TBCK: variants seen among roughly 807,000 people sequenced by gnomAD.
The protein encoded by TBCK is TBC domain-containing protein kinase-like protein.
TBCK carries 99 observed loss-of-function variants against 113.4 expected under a neutral mutation model. The observed-to-expected ratio is 0.87, with a 90% CI of 0.74 to 1.03. The LOEUF is 1.03. Ranked by LOEUF, TBCK falls within the 50% of genes least tolerant of loss-of-function variation. The pLI is 0.00. For synonymous variants in TBCK, 369 were observed against 370.8 expected (o/e 1.00, Z 0.05); for missense variants, 1,045 against 1,061.3 (o/e 0.98, Z 0.21).
chr4:106,249,130 T>G, intron 7 of TBCK, 148 bp from the exon 8 acceptor site: 1 of 533,690 alleles, frequency 1.9e-6, no homozygotes, highest in Non-Finnish European at 3.2e-6. Flanking sequence ...TTAAATTTCT[T>G]TACATGTTTT....
chr4:106,043,374 T>G lies in TBCK; in HGVS notation c.*3196A>C, dbSNP rs1010267978. Reference sequence around the variant, plus strand: ...TATTTCTATACTATCAGGTACCAGATAAGTTTGGCAGTTGAAAAAAATTAC... The same window carrying G: ...TATTTCTATACTATCAGGTACCAGAGAAGTTTGGCAGTTGAAAAAAATTAC... On this transcript the variant is annotated 3_prime_UTR_variant, in exon 26 of 26. Coordinates refer to ENST00000394708, the MANE Select transcript of TBCK (RefSeq NM_001163435.3). 6.6e-6 allele frequency: 1 copy of G among 152,182 alleles called. No individual in the cohort carries two copies. The highest frequency in any genetic ancestry group is 1.5e-5 in the Non-Finnish European group (1 of 68,034). 9.4% of individuals were successfully genotyped at this position (152,182 alleles called of 1,614,324 possible). A position where few individuals can be genotyped will look rare whatever the true frequency, so the allele number is the denominator to read the frequency against.
At chr4:106,106,333 A>G (rs1742153077) in intron 24 of TBCK, among the ~76,000 whole-genome samples, 1 of 152,178 alleles carries the variant, frequency 6.6e-6, no homozygotes, top group Non-Finnish European at 1.5e-5. Context: ...CATGAGACAC[A>G]TAATTGTCAA....
chr4:106,152,695 G>A (rs938790544), intron 23 of TBCK, among the ~76,000 whole-genome samples: 2 of 152,056 alleles, frequency 1.3e-5, no homozygotes, highest in African/African-American at 4.8e-5. Context: ...ATTAAGACGT[G>A]AGGCCACTGG....
chr4:106,110,589 T>C (rs997058398), intron 24 of TBCK, among the ~76,000 whole-genome samples: 1 of 152,178 alleles, frequency 6.6e-6, no homozygotes, highest in African/African-American at 2.4e-5. Context: ...CCATAACCCA[T>C]GGTTTCTGAA....
chr4:106,169,722 T>A (rs1260878712), intron 23 of TBCK, among the ~76,000 whole-genome samples: 1 of 152,106 alleles, frequency 6.6e-6, no homozygotes, highest in Admixed American at 6.6e-5. Context: ...TATTACATCA[T>A]AATATATAAT....
chr4:106,105,007 C>T (rs1054681804), intron 24 of TBCK, among the ~76,000 whole-genome samples: 23 of 152,224 alleles, frequency 1.5e-4, no homozygotes, highest in Admixed American at 1.5e-3. Context: ...CCAGAGCTAT[C>T]GAGCCAGTGC....
intron 23 of TBCK, among the ~76,000 whole-genome samples, chr4:106,143,769 C>A (rs1747421714): frequency 6.6e-6 from 1 of 152,048 alleles, no homozygotes; most frequent in African/African-American, 2.4e-5. Context: ...ACAAAATTAG[C>A]CGGGCATGGT....
chr4:106,187,033 A>C (rs1753101679), intron 22 of TBCK, among the ~76,000 whole-genome samples: 1 of 152,122 alleles, frequency 6.6e-6, no homozygotes, highest in South Asian at 2.1e-4. Context: ...ACTTTGTTGA[A>C]GATTAGATGG....
At chr4:106,172,573 A>G (rs1245992348) in intron 22 of TBCK, among the ~76,000 whole-genome samples, 1 of 152,162 alleles carries the variant, frequency 6.6e-6, no homozygotes, top group African/African-American at 2.4e-5. Flanking sequence ...CAGGCAATGG[A>G]GAAAAATATA....
chr4:106,087,660 T>A (rs1211000838), intron 25 of TBCK, among the ~76,000 whole-genome samples: 1 of 152,228 alleles, frequency 6.6e-6, no homozygotes, highest in African/African-American at 2.4e-5. Flanking sequence ...ATTGGAGGCA[T>A]CATGCTAGAT....
intron 2 of TBCK, among the ~76,000 whole-genome samples, chr4:106,296,902 A>C (rs1428820948): frequency 6.6e-6 from 1 of 152,166 alleles, no homozygotes; most frequent in Non-Finnish European, 1.5e-5. Context: ...AACAAAGAAA[A>C]GCGTATGCAA....
intron 25 of TBCK, among the ~76,000 whole-genome samples, chr4:106,085,637 C>G (rs1041176985): frequency 1.3e-5 from 2 of 151,914 alleles, no homozygotes; most frequent in African/African-American, 4.8e-5. Context: ...ACTCTCTACT[C>G]CAACAGAATA....
At chr4:106,280,299 G>A (rs746518362) in intron 3 of TBCK, among the ~76,000 whole-genome samples, 1 of 151,982 alleles carries the variant, frequency 6.6e-6, no homozygotes, top group Non-Finnish European at 1.5e-5. Context: ...TTCCTATAAA[G>A]TTATTTGAGC....
chr4:106,134,468 G>A (rs531434514), intron 23 of TBCK, among the ~76,000 whole-genome samples: 11 of 152,314 alleles, frequency 7.2e-5, no homozygotes, highest in Non-Finnish European at 1.2e-4. Flanking sequence ...TAACTGAGAA[G>A]GGACAGAGTG....
intron 14 of TBCK, 134 bp downstream of exon 14, chr4:106,236,252 TGAAA>T (rs1759443078): frequency 5.1e-6 from 3 of 583,574 alleles, no homozygotes; most frequent in Non-Finnish European, 5.0e-6. Flanking sequence ...ATTTTTAAAA[TGAAA>T]GAAAGCTAAC....
intron 25 of TBCK, among the ~76,000 whole-genome samples, chr4:106,053,070 A>G (rs549515227): frequency 4.0e-5 from 6 of 151,836 alleles, no homozygotes; most frequent in African/African-American, 1.4e-4. Context: ...GAATTAGCTC[A>G]TAACTCATAA....
intron 11 of TBCK, 21 bp from the exon 12 acceptor site, chr4:106,242,590 A>C (rs1560893298): frequency 6.5e-7 from 1 of 1,545,768 alleles, no homozygotes; most frequent in Non-Finnish European, 8.8e-7. Context: ...ATTTTTAAAA[A>C]TAATATGTAC....
chr4:106,261,273 A>C (rs548474412), intron 4 of TBCK, among the ~76,000 whole-genome samples: 1 of 152,036 alleles, frequency 6.6e-6, no homozygotes, highest in Admixed American at 6.6e-5. Flanking sequence ...ACAATTTTCT[A>C]TTTTTGTGTT....
chr4:106,088,920 G>A (rs972707896), intron 25 of TBCK, among the ~76,000 whole-genome samples: 2 of 152,162 alleles, frequency 1.3e-5, no homozygotes, highest in African/African-American at 4.8e-5. Flanking sequence ...ACACCCCATG[G>A]CTGTTGGGTG....
Sources: allele counts gnomAD v4.1 joint callset (sites outside exome capture counted in the v4.1 genomes callset), GRCh38; gene constraint gnomAD v4.1.1; transcripts MANE v1.5; gene names NCBI Gene and HGNC (gene_info 2026-07-23, HGNC 2026-07-21).